Variants in RNPEP observed in about 807,000 individuals in gnomAD.
RNPEP encodes the protein aminopeptidase B.
Under a neutral mutation model 70.1 loss-of-function variants are expected in RNPEP, and 57 were observed. The observed-to-expected ratio is 0.81, with a 90% confidence interval of 0.66 to 1.01. The LOEUF (loss-of-function observed/expected upper bound fraction) is 1.01. Among genes scored for constraint, RNPEP ranks in the 50% least tolerant of loss-of-function variants. The pLI is 0.00. For synonymous variants in RNPEP, 335 were observed against 357.4 expected, an observed-to-expected ratio of 0.94 and a Z score of 0.71; for missense variants, 787 against 852.4, an observed-to-expected ratio of 0.92 and a Z score of 0.96.
intron 1 of RNPEP, among the ~76,000 whole-genome samples, chr1:201,986,879 C>A (rs1214977996): frequency 6.6e-6 from 1 of 152,102 alleles, no homozygotes; most frequent in Non-Finnish European, 1.5e-5. Context: ...CGCATAGTAT[C>A]CACATGATTT....
At position 202,003,428 on chromosome 1, in the gene RNPEP, G is replaced by A; in HGVS notation, c.1618G>A (p.Asp540Asn). Reference protein sequence around the residue: ...WKTYQLVYFLDKILQKSPLPP... With the variant: ...WKTYQLVYFLNKILQKSPLPP... ...GACCTACCAGCTGGTCTACTTCCTG[G>A]ATAAGATCCTCCAGAAATCCCCTCT... Residue 540 changes from aspartate (D) to asparagine (N), a missense_variant, in exon 9 of 11, where the codon GAT (aspartate) becomes AAT (asparagine). By Grantham distance (23) the Asp-to-Asn change is conservative. Coordinates refer to ENST00000295640, the MANE Select transcript of RNPEP (RefSeq NM_020216.4). 1.2e-6 allele frequency: 2 copies of A among 1,613,908 alleles called. No homozygotes were observed. The highest frequency in any genetic ancestry group is 1.7e-6 in the Non-Finnish European group (2 of 1,179,914).
At chr1:201,989,560 T>C (rs529538651) in intron 3 of RNPEP, 29 bp downstream of exon 3, 1 of 1,613,508 alleles carries the variant, frequency 6.2e-7, no homozygotes, top group Non-Finnish European at 8.5e-7. Flanking sequence ...ACAGGCAAGG[T>C]TGGATTGGCC....
At chr1:201,994,745 C>T (rs1683481515) in intron 3 of RNPEP, among the ~76,000 whole-genome samples, 1 of 151,398 alleles carries the variant, frequency 6.6e-6, no homozygotes, top group Non-Finnish European at 1.5e-5. Context: ...TGGCTCCCCG[C>T]AACCTCTGCC....
At position 202,001,663 on chromosome 1, in the gene RNPEP, ATGTG is replaced by A; in HGVS notation, c.1323_1326del (p.Val442MetfsTer9). ...AAGAGCTTTCCCTCCTCACAGGCCT[ATGTG>A]CATGAATTCAAATTCCGAAGCATCT... On this transcript the variant is annotated frameshift_variant, in exon 8 of 11. Coordinates refer to ENST00000295640, the MANE Select transcript of RNPEP (RefSeq NM_020216.4). LOFTEE classifies it high-confidence loss of function. The A allele has an allele frequency of 6.2e-7, 1 of 1,611,372 alleles. No individual in the cohort carries two copies. The highest frequency in any genetic ancestry group is 8.5e-7 in the Non-Finnish European group (1 of 1,177,432).
chr1:201,993,550 T>TTGCACTAC, intron 3 of RNPEP, among the ~76,000 whole-genome samples: 1 of 151,690 alleles, frequency 6.6e-6, no homozygotes, highest in East Asian at 1.9e-4. Context: ...TGAGCCGAGA[T>TTGCACTAC]TGCACTACTG....
At chr1:202,001,883 G>C in intron 8 of RNPEP, 116 bp downstream of exon 8, 1 of 690,610 alleles carries the variant, frequency 1.4e-6, no homozygotes, top group African/African-American at 1.8e-5. Context: ...AGCTAGGTAG[G>C]GGCGTTTTGG....
chr1:201,994,157 C>T (rs565536664), intron 3 of RNPEP, among the ~76,000 whole-genome samples: 2 of 152,284 alleles, frequency 1.3e-5, no homozygotes, highest in Admixed American at 6.5e-5. Flanking sequence ...TTCCCTGACT[C>T]CTCTGCCCAG....
Position 202,003,268 on chromosome 1 carries a change from C to CG in RNPEP, c.1460dup (p.Trp488LeufsTer7). ...AGTTTGATCGATGGCTGAATACCCC[C>CG]GGCTGGCCCCCGTACCTCCCTGATC... On this transcript the variant is annotated frameshift_variant, in exon 9 of 11. Transcript: ENST00000295640. LOFTEE classifies it high-confidence loss of function. 6.2e-7 allele frequency: 1 copy of CG among 1,613,600 alleles called. No individual in the cohort carries two copies. Among genetic ancestry groups the CG allele is most frequent in the Non-Finnish European group, 8.5e-7 (1 of 1,179,766 alleles).
At position 201,983,856 on chromosome 1, in the gene RNPEP, T is replaced by TTA; in HGVS notation, c.447+744_447+745dup. 8 of 1,005,632 alleles carry TTA rather than the reference T, an allele frequency of 8.0e-6. 1 individual carries two copies. In the South Asian group the frequency reaches 2.4e-4, roughly 30 times the overall value. The allele number at this position is 1,005,632 out of a possible 1,614,324, so 62.3% of individuals were successfully genotyped here. On this transcript the variant is annotated intron_variant, in intron 1 of 10. Transcript: ENST00000295640. ...TCAGAAAATCCTTCCTGGAGAGTCC[T>TTA]TAGGCTGTGGCTGCCAGTTATCTCT...
Position 201,990,294 on chromosome 1 carries a change from G to A in RNPEP, c.737+763G>A, listed in dbSNP as rs1450845346. On this transcript the variant is annotated intron_variant, in intron 3 of 10. Coordinates refer to ENST00000295640, the MANE Select transcript of RNPEP (RefSeq NM_020216.4). ...CTTTGGTATCATTTCCCTCGAAGAG[G>A]GAAGTGGACTCTCCTTCCTATCTGC... 2.0e-5 allele frequency among the ~76,000 whole-genome samples: 3 copies of A among 152,232 alleles called. No homozygotes were observed. The East Asian group carries it at 5.8e-4, about 29-fold the overall frequency.
chr1:202,001,754 G>C lies in RNPEP; in HGVS notation c.1413G>C (p.Val471=), dbSNP rs750805375. Residue 471 remains valine (V), a synonymous_variant, in exon 8 of 11, where the codon GTG becomes GTC. Coordinates refer to ENST00000295640, the MANE Select transcript of RNPEP (RefSeq NM_020216.4). ...EYFPELKKKR[V]DIIPGFEFDR... Reference sequence around the variant, plus strand: ...TCCCTGAGCTTAAGAAAAAGAGAGTGGATATCATTCCAGGTAAGCAGAGGA... The same window carrying C: ...TCCCTGAGCTTAAGAAAAAGAGAGTCGATATCATTCCAGGTAAGCAGAGGA... 2.0e-5 allele frequency: 32 copies of C among 1,594,250 alleles called. No homozygotes were observed. The highest frequency in any genetic ancestry group is 1.8e-4 in the Admixed American group (11 of 59,952).
At chr1:202,002,960 T>C (rs1683890122) in intron 8 of RNPEP, among the ~76,000 whole-genome samples, 6 of 152,250 alleles carry the variant, frequency 3.9e-5, no homozygotes, top group African/African-American at 1.4e-4. Flanking sequence ...GGTAGGAGAA[T>C]GTGCACGTGA....
At position 202,001,725 on chromosome 1, in the gene RNPEP, T is replaced by A. The variant is rs878918925; in HGVS notation, c.1384T>A (p.Tyr462Asn). 1.9e-6 allele frequency: 3 copies of A among 1,613,028 alleles called. No individual in the cohort carries two copies. In the Admixed American group the frequency reaches 5.0e-5, roughly 27 times the overall value. Reference sequence around the variant, plus strand: ...TGACTTTCTGGACTTCTACTTGGAATATTTCCCTGAGCTTAAGAAAAAGAG... The same window carrying A: ...TGACTTTCTGGACTTCTACTTGGAAAATTTCCCTGAGCTTAAGAAAAAGAG... ...ADDFLDFYLE[Y>N]FPELKKKRVD... The change falls in exon 8 of 11, where the codon TAT becomes AAT. Residue 462 changes from tyrosine (Y) to asparagine (N), a missense_variant. Coordinates refer to ENST00000295640, the MANE Select transcript of RNPEP (RefSeq NM_020216.4).
At chr1:202,001,906 G>A in intron 8 of RNPEP, 139 bp downstream of exon 8, 1 of 627,916 alleles carries the variant, frequency 1.6e-6, no homozygotes, top group East Asian at 2.7e-5. Context: ...AGCAAACCCA[G>A]AATCCTGGGA....
intron 10 of RNPEP, among the ~76,000 whole-genome samples, chr1:202,004,817 G>A (rs1342984172): frequency 1.3e-5 from 2 of 152,246 alleles, no homozygotes; most frequent in Non-Finnish European, 2.9e-5. Flanking sequence ...AGGGAAAGGG[G>A]CCAGAGGCGG....
At chr1:201,987,610 G>T (rs1683179132) in intron 1 of RNPEP, among the ~76,000 whole-genome samples, 1 of 151,340 alleles carries the variant, frequency 6.6e-6, no homozygotes, top group Non-Finnish European at 1.5e-5. Context: ...GCTAATTTTT[G>T]TATTTTTAGT....
At position 201,982,718 on chromosome 1, in the gene RNPEP, C is replaced by A; in HGVS notation, c.52C>A (p.His18Asn). 1 of 1,405,436 alleles carries A rather than the reference C, an allele frequency of 7.1e-7. No homozygotes were observed. 87.1% of individuals were successfully genotyped at this position (1,405,436 alleles called of 1,614,324 possible). ...PGSGAARRPL[H>N]SAQAVDVASA... ...CAGCGGCGCGGCCCGGCGGCCGCTG[C>A]ACTCCGCGCAGGCTGTGGACGTGGC... The change falls in exon 1 of 11, where the codon CAC (histidine) becomes AAC (asparagine). Residue 18 changes from histidine to asparagine, a missense_variant. By Grantham distance (68) the His-to-Asn change is moderately conservative. Coordinates refer to ENST00000295640, the MANE Select transcript of RNPEP (RefSeq NM_020216.4).
intron 3 of RNPEP, among the ~76,000 whole-genome samples, chr1:201,994,833 ATTTTTT>A (rs34077790): frequency 1.2e-5 from 1 of 85,224 alleles, no homozygotes; most frequent in African/African-American, 4.7e-5. Flanking sequence ...TGTCCTGCTA[ATTTTTT>A]TTTTTTTTTT....
chr1:201,993,262 T>A (rs1683410171), intron 3 of RNPEP, among the ~76,000 whole-genome samples: 1 of 152,126 alleles, frequency 6.6e-6, no homozygotes, highest in Non-Finnish European at 1.5e-5. Context: ...CCTCCCCCTC[T>A]AGACAAGCAC....
Sources: gnomAD v4.1 joint callset for allele counts (sites outside exome capture counted in the v4.1 genomes callset) on GRCh38, gnomAD v4.1.1 for gene constraint, MANE v1.5 for transcripts, NCBI Gene and HGNC (gene_info 2026-07-23, HGNC 2026-07-21) for gene names.